Variants in HEXD observed in about 807,000 individuals in gnomAD.
HEXD encodes hexosaminidase D.
In HEXD, 47 loss-of-function variants were observed where a neutral mutation model predicts 54.2. The ratio of observed to expected loss-of-function variants is 0.87; its 90% confidence interval spans 0.69 to 1.11. The LOEUF (loss-of-function observed/expected upper bound fraction) is 1.11. HEXD is among the 50% of genes least tolerant of loss of function. HEXD has a pLI of 0.00. For missense variants in HEXD, 576 were observed against 649.2 expected (o/e 0.89, Z 1.23); for synonymous variants, 293 against 287.6 (o/e 1.02, Z -0.19).
intron 8 of HEXD, 102 bp from the exon 9 acceptor site, chr17:82,439,529 C>T: frequency 3.4e-6 from 5 of 1,486,504 alleles, no homozygotes; most frequent in Non-Finnish European, 4.4e-6. Context: ...GCTGATGTAG[C>T]CTAAGGCCCT....
intron 4 of HEXD, among the ~76,000 whole-genome samples, chr17:82,429,026 G>A (rs976461074): frequency 6.6e-6 from 1 of 152,138 alleles, no homozygotes; most frequent in Admixed American, 6.5e-5. Flanking sequence ...TTGGGAGGCC[G>A]AGGCTGGTGG....
chr17:82,424,539 T>C (rs1324966174), intron 3 of HEXD, 36 bp downstream of exon 3: 1 of 1,485,376 alleles, frequency 6.7e-7, no homozygotes, highest in Admixed American at 1.7e-5. Context: ...GGGCGCGGCG[T>C]GAAAGCGGGG....
At chr17:82,423,717 G>A (rs1306054524) in intron 2 of HEXD, 1 of 151,884 alleles carries the variant, frequency 6.6e-6, no homozygotes, top group African/African-American at 2.4e-5. Context: ...GGAGGCTGGG[G>A]CAGGAGAATC....
chr17:82,421,842 A>C (rs1424755428), intron 2 of HEXD, among the ~76,000 whole-genome samples: 1 of 151,686 alleles, frequency 6.6e-6, no homozygotes, highest in Non-Finnish European at 1.5e-5. Context: ...AGAAAAAAAG[A>C]AGCAAAAAAG....
intron 10 of HEXD, 44 bp from the exon 11 acceptor site, chr17:82,441,121 C>T (rs1426479453): frequency 1.9e-6 from 3 of 1,613,508 alleles, no homozygotes; most frequent in East Asian, 4.5e-5. Flanking sequence ...CCCTCCCCTT[C>T]CCCCGCCCGT....
At chr17:82,427,175 C>T in intron 3 of HEXD, 1 of 151,336 alleles carries the variant, frequency 6.6e-6, no homozygotes, top group Non-Finnish European at 1.5e-5. Context: ...TGGTGGTGCG[C>T]ACCTGTAATC....
At chr17:82,424,280 T>C in intron 2 of HEXD, 114 bp from the exon 3 acceptor site, 1 of 705,730 alleles carries the variant, frequency 1.4e-6, no homozygotes, top group Non-Finnish European at 2.6e-6. Context: ...GAAATAGAAG[T>C]AGCAACTCCC....
intron 4 of HEXD, among the ~76,000 whole-genome samples, chr17:82,430,544 T>C (rs2053546458): frequency 6.6e-6 from 1 of 152,174 alleles, no homozygotes; most frequent in African/African-American, 2.4e-5. Flanking sequence ...TACCCCACCA[T>C]GCCCGGCTAA....
chr17:82,433,360 T>TGGTG, intron 4 of HEXD, among the ~76,000 whole-genome samples: 2 of 146,838 alleles, frequency 1.4e-5, no homozygotes, highest in Admixed American at 1.4e-4. Flanking sequence ...GGAGGATCAC[T>TGGTG]TGAACCTGGG....
At chr17:82,440,632 A>C in intron 9 of HEXD, 10 of 333,752 alleles carry the variant, frequency 3.0e-5, no homozygotes, top group East Asian at 9.1e-5. Context: ...CGGGTGCTCT[A>C]GAATATTCCA....
At chr17:82,433,857 T>G (rs200453386) in intron 5 of HEXD, 35 bp downstream of exon 5, 1 of 1,558,694 alleles carries the variant, frequency 6.4e-7, no homozygotes, top group East Asian at 2.4e-5. Flanking sequence ...TGCAGGACAC[T>G]CTCCCCTATC....
intron 9 of HEXD, chr17:82,440,324 GGAC>G: frequency 3.2e-6 from 4 of 1,246,964 alleles, no homozygotes; most frequent in Non-Finnish European, 4.1e-6. Context: ...CCAGGGACGG[GGAC>G]GCGGCCGGTG....
chr17:82,439,712 C>T lies in HEXD; in HGVS notation c.981C>T (p.Arg327=), dbSNP rs147571415. ...CCGCCTGCCTGCAGTTGCTTCTACG[C>T]GGTATGTCTGGTCTGGCCACCCCAA... is the stretch of plus-strand genomic sequence containing the variant. ...SLAACLQLLL[R]GGFDEDVKAK... is the part of the protein sequence containing the mutation. The change falls in exon 9 of 13, where the codon CGC becomes CGT. Residue 327 remains arginine, a splice_region_variant and synonymous_variant. Coordinates refer to ENST00000327949, the MANE Select transcript of HEXD (RefSeq NM_001330542.2). 28 of 1,599,908 alleles carry T rather than the reference C, an allele frequency of 1.8e-5. No individual in the cohort carries two copies. The highest frequency in any genetic ancestry group is 1.8e-5 in the Non-Finnish European group (21 of 1,179,646).
chr17:82,441,986 C>A (rs1250762747), intron 12 of HEXD, 97 bp downstream of exon 12: 3 of 1,376,492 alleles, frequency 2.2e-6, no homozygotes, highest in African/African-American at 2.8e-5. Flanking sequence ...AGAGGGTGAG[C>A]CCCTAGTTGT....
rs375964079 is a variant in HEXD at position 82,439,656 on chromosome 17, G to A, written c.925G>A (p.Glu309Lys). 97 of 1,592,878 alleles carry A rather than the reference G, an allele frequency of 6.1e-5. No individual in the cohort carries two copies. The highest frequency in any genetic ancestry group is 1.7e-4 in the Middle Eastern group (1 of 6,040). ...GTACGACCACTACTCTGTGCTGTGC[G>A]AGCTGCTGCCCGCAGGAGTCCCGTC... is the stretch of plus-strand genomic sequence containing the variant. ...QRYDHYSVLCELLPAGVPSLA... is the reference protein window; with the variant it reads ...QRYDHYSVLCKLLPAGVPSLA... Residue 309 changes from glutamate (E) to lysine (K), a missense_variant, in exon 9 of 13, where the codon GAG becomes AAG. Glu to Lys is a moderately conservative substitution (Grantham distance 56). Transcript: ENST00000327949.
chr17:82,437,135 T>C (rs1430865160), intron 7 of HEXD, 33 bp from the exon 8 acceptor site: 2 of 1,544,714 alleles, frequency 1.3e-6, no homozygotes, highest in South Asian at 2.4e-5. Context: ...CCGCCTCCCC[T>C]GGAGCCACTC....
chr17:82,422,027 G>A (rs947506137), intron 2 of HEXD, among the ~76,000 whole-genome samples: 2 of 151,884 alleles, frequency 1.3e-5, no homozygotes, highest in East Asian at 1.9e-4. Context: ...AATTAGCCCC[G>A]TGTGGTGGCG....
Position 82,434,564 on chromosome 17 carries a change from G to T in HEXD, c.447+742G>T, listed in dbSNP as rs1450382598. ...AACCATTTTAAAATATAGGCTGGGT[G>T]TGGTGGCTCACGCCTGTAATCCCAG... On this transcript the variant is annotated intron_variant, in intron 5 of 12. Coordinates refer to ENST00000327949, the MANE Select transcript of HEXD (RefSeq NM_001330542.2). The surrounding 1 kb of genome is among the most constrained non-coding windows in gnomAD (Gnocchi z 4.5). Among the ~76,000 whole-genome samples the T allele has an allele frequency of 1.3e-5, 2 of 152,226 alleles. No homozygotes were observed. Among genetic ancestry groups the T allele is most frequent in the African/African-American group, 4.8e-5 (2 of 41,464 alleles).
chr17:82,442,094 G>T lies in HEXD; in HGVS notation c.1254-83G>T. 6.7e-7 allele frequency: 1 copy of T among 1,502,884 alleles called. No individual in the cohort carries two copies. 93.1% of individuals were successfully genotyped at this position (1,502,884 alleles called of 1,614,324 possible). ...AGTAGCCCCATTTCACAGGTGAACT[G>T]AGGCACAGGGCAGTACTGACCATGG... On this transcript the variant is annotated intron_variant, in intron 12 of 12. Coordinates refer to ENST00000327949, the MANE Select transcript of HEXD (RefSeq NM_001330542.2). The surrounding 1 kb of genome is among the most constrained non-coding windows in gnomAD (Gnocchi z 6.8).
Sources: gnomAD v4.1 joint callset for allele counts (sites outside exome capture counted in the v4.1 genomes callset) on GRCh38, gnomAD v4.1.1 for gene constraint, Gnocchi (gnomAD v3.1) non-coding constraint, MANE v1.5 for transcripts, NCBI Gene and HGNC (gene_info 2026-07-23, HGNC 2026-07-21) for gene names.